CHCHD6: variants seen among roughly 807,000 people sequenced by gnomAD.
CHCHD6 encodes the protein coiled-coil-helix-coiled-coil-helix domain containing 6, also known as MICOS complex subunit MIC25.
A neutral mutation model predicts 32.3 loss-of-function variants in CHCHD6; 28 were observed. The observed-to-expected ratio is 0.87, with a 90% CI of 0.64 to 1.19. The LOEUF (loss-of-function observed/expected upper bound fraction) is 1.19, where lower values mean the gene tolerates loss of function less well. Among genes scored for constraint, CHCHD6 ranks in the 50% most tolerant of loss-of-function variants. CHCHD6 has a pLI of 0.00. For synonymous variants in CHCHD6, 122 were observed against 117.5 expected (o/e 1.04, Z -0.25); for missense variants, 333 against 307.0 (o/e 1.08, Z -0.63).
At chr3:126,956,597 G>C (rs1477613298) in intron 6 of CHCHD6, among the ~76,000 whole-genome samples, 1 of 69,774 alleles carries the variant, frequency 1.4e-5, no homozygotes, top group Non-Finnish European at 3.3e-5. Flanking sequence ...GTCAGTGTGC[G>C]CACGAGAGAG....
Position 126,746,130 on chromosome 3 carries a change from C to T in CHCHD6, c.411+12908C>T, listed in dbSNP as rs371967536. 2.9e-4 allele frequency among the ~76,000 whole-genome samples: 44 copies of T among 152,254 alleles called. 1 individual carries two copies. The South Asian group carries it at 8.5e-3, about 29-fold the overall frequency. On this transcript the variant is annotated intron_variant, in intron 4 of 7. Coordinates refer to ENST00000290913, the MANE Select transcript of CHCHD6 (RefSeq NM_032343.3). ...ATGTGGCAAAGCCTTTTGCATGACA[C>T]GTATCAGGTAACAAAGCTCTGAGGC...
At chr3:126,860,143 G>A (rs1025796392) in intron 5 of CHCHD6, among the ~76,000 whole-genome samples, 1 of 152,160 alleles carries the variant, frequency 6.6e-6, no homozygotes, top group Non-Finnish European at 1.5e-5. Context: ...CCCCTACCTT[G>A]AGGATGTGAG....
chr3:126,708,926 ACC>A (rs1175354369), intron 1 of CHCHD6, among the ~76,000 whole-genome samples: 1 of 152,112 alleles, frequency 6.6e-6, no homozygotes, highest in Non-Finnish European at 1.5e-5. Flanking sequence ...TCTTTCAATG[ACC>A]TATCCATGGG....
At chr3:126,952,590 A>C (rs1041361986) in intron 6 of CHCHD6, among the ~76,000 whole-genome samples, 1 of 152,136 alleles carries the variant, frequency 6.6e-6, no homozygotes, top group African/African-American at 2.4e-5. Flanking sequence ...GAGGCTCGGC[A>C]TGGGGCCCAG....
At chr3:126,779,931 C>T (rs1937851050) in intron 4 of CHCHD6, among the ~76,000 whole-genome samples, 1 of 152,174 alleles carries the variant, frequency 6.6e-6, no homozygotes, top group South Asian at 2.1e-4. Flanking sequence ...CTACTATATA[C>T]TGGTCTTGTG....
intron 6 of CHCHD6, among the ~76,000 whole-genome samples, chr3:126,932,894 G>A (rs1046328530): frequency 2.6e-5 from 4 of 152,180 alleles, no homozygotes; most frequent in Non-Finnish European, 5.9e-5. Flanking sequence ...CCTGGCTGCC[G>A]CTGGGCTGAG....
chr3:126,732,959 G>T (rs946954063), intron 3 of CHCHD6, 119 bp from the exon 4 acceptor site: 2 of 1,126,176 alleles, frequency 1.8e-6, no homozygotes, highest in African/African-American at 1.5e-5. Context: ...TTCCTGACCA[G>T]CCGCTGGCTG....
chr3:126,831,269 C>T (rs538881087), intron 4 of CHCHD6, among the ~76,000 whole-genome samples: 2 of 152,198 alleles, frequency 1.3e-5, no homozygotes, highest in African/African-American at 2.4e-5. Context: ...TCTTGATCCG[C>T]CCACCTCGGC....
chr3:126,785,801 C>A (rs2107683093), intron 4 of CHCHD6, among the ~76,000 whole-genome samples: 1 of 152,106 alleles, frequency 6.6e-6, no homozygotes, highest in East Asian at 1.9e-4. Context: ...CTGGTAATTT[C>A]TACTTTGTTT....
intron 5 of CHCHD6, among the ~76,000 whole-genome samples, chr3:126,884,833 T>TA (rs1188909810): frequency 1.3e-5 from 2 of 152,186 alleles, no homozygotes; most frequent in African/African-American, 2.4e-5. Context: ...CATTTTGACA[T>TA]AAAAAATCAG....
In CHCHD6 at chr3:126,943,779, C is replaced by T. The variant is rs529854300; in HGVS notation, c.567-13637C>T. ...TGCAGCTCCAGTTTCTGAATGTGCT[C>T]GAGGAAGACAGTAGAGGGAGGGGAA... On this transcript the variant is annotated intron_variant, in intron 6 of 7. Coordinates refer to ENST00000290913, the MANE Select transcript of CHCHD6 (RefSeq NM_032343.3). 5.9e-5 allele frequency among the ~76,000 whole-genome samples: 9 copies of T among 152,076 alleles called. No homozygotes were observed. The East Asian group carries it at 7.7e-4, about 13-fold the overall frequency.
At chr3:126,804,606 G>A (rs1367235129) in intron 4 of CHCHD6, among the ~76,000 whole-genome samples, 5 of 151,324 alleles carry the variant, frequency 3.3e-5, no homozygotes, top group East Asian at 3.9e-4. Context: ...AGGACCAGAC[G>A]GATTCACAGA....
chr3:126,834,402 A>G (rs1279674120), intron 4 of CHCHD6, among the ~76,000 whole-genome samples: 1 of 152,202 alleles, frequency 6.6e-6, no homozygotes, highest in Non-Finnish European at 1.5e-5. Context: ...AGGGATTTTG[A>G]TTATAGCCAT....
At chr3:126,944,646 G>T (rs993551509) in intron 6 of CHCHD6, among the ~76,000 whole-genome samples, 1 of 152,238 alleles carries the variant, frequency 6.6e-6, no homozygotes, top group Non-Finnish European at 1.5e-5. Flanking sequence ...GGACAGAGAG[G>T]CGGGGCTGGC....
intron 4 of CHCHD6, among the ~76,000 whole-genome samples, chr3:126,830,418 G>A (rs1940591410): frequency 6.6e-6 from 1 of 152,222 alleles, no homozygotes; most frequent in African/African-American, 2.4e-5. Context: ...CAGCTGCCAT[G>A]CACCCTGCAT....
At chr3:126,824,560 C>CAAAAAAAAAAAAAAAAAAAAAAAAAAAAA (rs71150454) in intron 4 of CHCHD6, among the ~76,000 whole-genome samples, 3 of 39,996 alleles carry the variant, frequency 7.5e-5, no homozygotes, top group Non-Finnish European at 1.2e-4. Context: ...GACTCTGTCT[C>CAAAAAAAAAAAAAAAAAAAAAAAAAAAAA]AAAAAAAAAA....
chr3:126,813,324 T>G (rs570979708), intron 4 of CHCHD6, among the ~76,000 whole-genome samples: 36 of 152,342 alleles, frequency 2.4e-4, no homozygotes, highest in African/African-American at 7.5e-4. Context: ...GTAAGGAAAT[T>G]CAAAATTAAT....
chr3:126,875,133 C>G (rs1357977197), intron 5 of CHCHD6, among the ~76,000 whole-genome samples: 1 of 152,242 alleles, frequency 6.6e-6, no homozygotes, highest in Non-Finnish European at 1.5e-5. Context: ...GCTGCACCAT[C>G]GTGAGACTGG....
At chr3:126,909,185 G>A (rs77244100) in intron 5 of CHCHD6, among the ~76,000 whole-genome samples, 1 of 152,234 alleles carries the variant, frequency 6.6e-6, no homozygotes, top group African/African-American at 2.4e-5. Flanking sequence ...CAGGGCTCCA[G>A]TCCAAAAGTT....
Sources: allele counts gnomAD v4.1 joint callset (sites outside exome capture counted in the v4.1 genomes callset), GRCh38; gene constraint gnomAD v4.1.1; transcripts MANE v1.5; gene names NCBI Gene and HGNC (gene_info 2026-07-23, HGNC 2026-07-21).